GPR149: variants seen among roughly 807,000 people sequenced by gnomAD.
GPR149 encodes probable G protein-coupled receptor 149.
A neutral mutation model predicts 50.2 loss-of-function variants in GPR149; 50 were observed. The observed-to-expected ratio is 1.00, with a 90% CI of 0.79 to 1.26. The LOEUF (loss-of-function observed/expected upper bound fraction) is 1.26, where lower values mean the gene tolerates loss of function less well. Among genes scored for constraint, GPR149 ranks in the 50% most tolerant of loss-of-function variants. The pLI, the probability that GPR149 is intolerant of heterozygous loss-of-function variation, is 0.00. For synonymous variants in GPR149, 405 were observed against 358.2 expected (o/e 1.13, Z -1.48); for missense variants, 983 against 895.4 (o/e 1.10, Z -1.25).
intron 3 of GPR149, among the ~76,000 whole-genome samples, chr3:154,420,152 A>G (rs573572364): frequency 6.6e-6 from 1 of 152,076 alleles, no homozygotes; most frequent in South Asian, 2.1e-4. Flanking sequence ...CTAGCAGTGT[A>G]TTTATTTCTA....
chr3:154,423,972 A>G (rs924190849), intron 2 of GPR149, among the ~76,000 whole-genome samples: 1 of 151,836 alleles, frequency 6.6e-6, no homozygotes. Flanking sequence ...TACATTAGGT[A>G]TATCTCCTAT....
chr3:154,381,642 TATCTGTGG>T (rs1714932156), intron 3 of GPR149, among the ~76,000 whole-genome samples: 1 of 152,214 alleles, frequency 6.6e-6, no homozygotes, highest in Non-Finnish European at 1.5e-5. Flanking sequence ...AAAGTCATTA[TATCTGTGG>T]TGAGGATGAG....
At chr3:154,415,293 T>A (rs912509234) in intron 3 of GPR149, among the ~76,000 whole-genome samples, 3 of 151,960 alleles carry the variant, frequency 2.0e-5, no homozygotes, top group African/African-American at 7.2e-5. Flanking sequence ...GATCCAATGC[T>A]AATTCCCTTC....
chr3:154,380,853 G>C (rs949928568), intron 3 of GPR149, among the ~76,000 whole-genome samples: 44 of 152,254 alleles, frequency 2.9e-4, no homozygotes, highest in African/African-American at 1.1e-3. Flanking sequence ...GAACATTAAA[G>C]CCAATGACCA....
intron 3 of GPR149, among the ~76,000 whole-genome samples, chr3:154,355,082 C>T (rs1714186849): frequency 6.6e-6 from 1 of 152,156 alleles, no homozygotes; most frequent in South Asian, 2.1e-4. Context: ...GGCTGGAGTG[C>T]AGTGGCGCGA....
chr3:154,402,265 G>A (rs1711565349), intron 3 of GPR149, among the ~76,000 whole-genome samples: 1 of 151,832 alleles, frequency 6.6e-6, no homozygotes, highest in African/African-American at 2.4e-5. Context: ...TTTAAAATGG[G>A]AAGCAGGCCA....
intron 3 of GPR149, among the ~76,000 whole-genome samples, chr3:154,350,548 T>A (rs897294190): frequency 4.2e-4 from 64 of 152,166 alleles, no homozygotes; most frequent in African/African-American, 1.5e-3. Context: ...ACAATCTGAA[T>A]AAATGAAGAG....
intron 3 of GPR149, among the ~76,000 whole-genome samples, chr3:154,388,340 T>C (rs1464248959): frequency 6.6e-6 from 1 of 151,708 alleles, no homozygotes; most frequent in East Asian, 1.9e-4. Flanking sequence ...TTATGGACTG[T>C]AGTTTGTGGG....
At position 154,338,142 on chromosome 3, in the gene GPR149, C is replaced by T; in HGVS notation, c.1753G>A (p.Ala585Thr). 6.2e-7 allele frequency: 1 copy of T among 1,614,120 alleles called. No homozygotes were observed. Among genetic ancestry groups the T allele is most frequent in the Non-Finnish European group, 8.5e-7 (1 of 1,180,016 alleles). Residue 585 changes from alanine (A) to threonine (T), a missense_variant, in exon 4 of 4, where the codon GCC becomes ACC. By Grantham distance (58) the Ala-to-Thr change is moderately conservative (BLOSUM62 0). Transcript: ENST00000389740. ...CGATAGACTTCTATTTTCTTAGAGG[C>T]TGGAGTTATTTTTTGCCCTTCTGCG... Reference protein sequence around the residue: ...VSAEGQKITPASKKIEVYRSK... With the variant: ...VSAEGQKITPTSKKIEVYRSK...
chr3:154,419,133 G>C (rs764502406), intron 3 of GPR149, among the ~76,000 whole-genome samples: 1 of 152,040 alleles, frequency 6.6e-6, no homozygotes, highest in Non-Finnish European at 1.5e-5. Flanking sequence ...TTTCCTGAAA[G>C]ACTTGATCAT....
intron 1 of GPR149, among the ~76,000 whole-genome samples, chr3:154,428,319 T>C (rs1559993267): frequency 6.6e-6 from 1 of 152,170 alleles, no homozygotes; most frequent in African/African-American, 2.4e-5. Flanking sequence ...TTCTGAATAC[T>C]CTCTGATTTT....
intron 3 of GPR149, among the ~76,000 whole-genome samples, chr3:154,365,878 C>T (rs1019816306): frequency 3.3e-5 from 5 of 152,128 alleles, no homozygotes; most frequent in African/African-American, 1.2e-4. Context: ...ATATCTAACA[C>T]TGAAGCTTTT....
At chr3:154,422,074 T>C (rs1712164112) in intron 2 of GPR149, among the ~76,000 whole-genome samples, 1 of 151,772 alleles carries the variant, frequency 6.6e-6, no homozygotes, top group South Asian at 2.1e-4. Context: ...AACATGTACA[T>C]TTCTGATACA....
At chr3:154,340,366 ACC>A (rs1051414704) in intron 3 of GPR149, among the ~76,000 whole-genome samples, 3 of 152,198 alleles carry the variant, frequency 2.0e-5, no homozygotes, top group African/African-American at 4.8e-5. Context: ...AGACAGAGGG[ACC>A]ACACAGGTTC....
chr3:154,355,318 G>T (rs192983386), intron 3 of GPR149, among the ~76,000 whole-genome samples: 2 of 152,186 alleles, frequency 1.3e-5, no homozygotes, highest in African/African-American at 2.4e-5. Context: ...GAGCCACCAC[G>T]CCCGGCCACT....
At chr3:154,371,768 C>A (rs975693943) in intron 3 of GPR149, among the ~76,000 whole-genome samples, 2 of 152,166 alleles carry the variant, frequency 1.3e-5, no homozygotes, top group Admixed American at 6.5e-5. Context: ...AAAAAAGGAG[C>A]TTGAACACTC....
chr3:154,429,464 C>A lies in GPR149; in HGVS notation c.152G>T (p.Ser51Ile). Reference sequence around the variant, plus strand: ...CAGCAGGGAAATTAGTGAATAAATGCTGCCCACCAAGGCTGCAAAAGTCAT... The same window carrying A: ...CAGCAGGGAAATTAGTGAATAAATGATGCCCACCAAGGCTGCAAAAGTCAT... ...CLMTFAALVG[S>I]IYSLISLLKM... Residue 51 changes from serine (S) to isoleucine (I), a missense_variant, in exon 1 of 4, where the codon AGC becomes ATC. Physicochemically the swap from Ser to Ile is moderately radical, Grantham distance 142. Coordinates refer to ENST00000389740, the MANE Select transcript of GPR149 (RefSeq NM_001038705.3). 1 of 1,614,164 alleles carries A rather than the reference C, an allele frequency of 6.2e-7. No individual in the cohort carries two copies. Among genetic ancestry groups the A allele is most frequent in the Non-Finnish European group, 8.5e-7 (1 of 1,180,036 alleles).
At chr3:154,384,523 G>A (rs147994192) in intron 3 of GPR149, among the ~76,000 whole-genome samples, 1 of 152,268 alleles carries the variant, frequency 6.6e-6, no homozygotes, top group Non-Finnish European at 1.5e-5. Context: ...TTTTCAAAGT[G>A]GAACTTGGGG....
chr3:154,350,336 T>C (rs1714044949), intron 3 of GPR149, among the ~76,000 whole-genome samples: 1 of 152,220 alleles, frequency 6.6e-6, no homozygotes, highest in African/African-American at 2.4e-5. Flanking sequence ...AAGCTAATGA[T>C]TGAGCTAAGC....
Sources: gnomAD v4.1 joint callset for allele counts (sites outside exome capture counted in the v4.1 genomes callset) on GRCh38, gnomAD v4.1.1 for gene constraint, MANE v1.5 for transcripts, NCBI Gene and HGNC (gene_info 2026-07-23, HGNC 2026-07-21) for gene names.